SFMBT2: variants seen among roughly 807,000 people sequenced by gnomAD.
The protein encoded by SFMBT2 is Scm like with four mbt domains 2.
In SFMBT2, 38 loss-of-function variants were observed where a neutral mutation model predicts 110.1. The ratio of observed to expected loss-of-function variants is 0.35; its 90% CI spans 0.27 to 0.45. The LOEUF (loss-of-function observed/expected upper bound fraction) is 0.45. Among genes scored for constraint, SFMBT2 ranks in the 20% least tolerant of loss-of-function variants. The pLI is 1.00. For synonymous variants in SFMBT2, 425 were observed against 425.4 expected (o/e 1.00, Z 0.01); for missense variants, 1,011 against 1,094.9 (o/e 0.92, Z 1.08).
chr10:7,274,992 A>T (rs1344772888), intron 7 of SFMBT2, among the ~76,000 whole-genome samples: 1 of 152,128 alleles, frequency 6.6e-6, no homozygotes, highest in Non-Finnish European at 1.5e-5. Flanking sequence ...CTCTCTGAAC[A>T]ATGAGGACAG....
At chr10:7,309,530 C>G (rs1319098886) in intron 4 of SFMBT2, among the ~76,000 whole-genome samples, 1 of 152,180 alleles carries the variant, frequency 6.6e-6, no homozygotes, top group Non-Finnish European at 1.5e-5. Flanking sequence ...ATAGCTGGCA[C>G]ATGGAACGGG....
chr10:7,212,198 G>C (rs540005432), intron 11 of SFMBT2, among the ~76,000 whole-genome samples: 71 of 152,322 alleles, frequency 4.7e-4, no homozygotes, highest in African/African-American at 1.6e-3. Flanking sequence ...CAGTCATAGA[G>C]ACAAACCAGT....
rs1162232071 is a variant in SFMBT2 at position 7,176,154 on chromosome 10, T to C, written c.1820A>G (p.Lys607Arg). 1 of 1,614,066 alleles carries C rather than the reference T, an allele frequency of 6.2e-7. No homozygotes were observed. Among genetic ancestry groups the C allele is most frequent in the Non-Finnish European group, 8.5e-7 (1 of 1,180,032 alleles). ...EETLKAKYRG[K>R]TYRAVVKIVR... ...GATTTTGACCACAGCCCTGTATGTT[T>C]TGCCTCTGTATCTAGAAAATAGGTG... is the stretch of plus-strand genomic sequence containing the variant. Residue 607 changes from lysine to arginine, a missense_variant, in exon 17 of 21, where the codon AAA (lysine) becomes AGA (arginine). Physicochemically the swap from Lys to Arg is conservative, Grantham distance 26. Transcript: ENST00000397167.
At chr10:7,386,665 C>T (rs1845615527) in intron 1 of SFMBT2, among the ~76,000 whole-genome samples, 1 of 152,132 alleles carries the variant, frequency 6.6e-6, no homozygotes, top group Admixed American at 6.5e-5. Flanking sequence ...AATGAATGGA[C>T]TTCTCAGCAG....
intron 6 of SFMBT2, among the ~76,000 whole-genome samples, chr10:7,281,471 C>T (rs887963698): frequency 6.6e-6 from 1 of 152,218 alleles, no homozygotes; most frequent in Non-Finnish European, 1.5e-5. Flanking sequence ...ACGAGAAAAT[C>T]GGCCTAGTAT....
At chr10:7,231,418 G>A (rs1199815956) in intron 9 of SFMBT2, among the ~76,000 whole-genome samples, 2 of 152,204 alleles carry the variant, frequency 1.3e-5, no homozygotes, top group African/African-American at 4.8e-5. Context: ...TGGCATGTGG[G>A]TAATCTTTAT....
chr10:7,172,729 AGAGAAAGAAGGG>A lies in SFMBT2; in HGVS notation c.1985-80_1985-69del. On this transcript the variant is annotated intron_variant, in intron 17 of 20. Coordinates refer to ENST00000397167, the MANE Select transcript of SFMBT2 (RefSeq NM_001387889.1). This position sits in a 1 kb window ranked among gnomAD's most constrained non-coding sequence, Gnocchi z 4.6. Reference sequence around the variant, plus strand: ...ACACAGACATGAACAGAGAGAGGAGAGAGAAAGAAGGGAAACGATTCTTTCATCTGATAGTTC... The same window carrying A: ...ACACAGACATGAACAGAGAGAGGAGAAAACGATTCTTTCATCTGATAGTTC... 6.7e-7 allele frequency: 1 copy of A among 1,502,848 alleles called. No individual in the cohort carries two copies. The highest frequency in any genetic ancestry group is 9.0e-7 in the Non-Finnish European group (1 of 1,116,792). The allele number at this position is 1,502,848 out of a possible 1,614,324, so 93.1% of individuals were successfully genotyped here. A position where few individuals can be genotyped will look rare whatever the true frequency, so the allele number is the denominator to read the frequency against.
intron 16 of SFMBT2, among the ~76,000 whole-genome samples, chr10:7,187,768 G>A (rs926726588): frequency 6.6e-6 from 1 of 152,122 alleles, no homozygotes; most frequent in African/African-American, 2.4e-5. Flanking sequence ...TATGAATAGG[G>A]CAGGTGCCTT....
chr10:7,383,665 G>C (rs1195234845), intron 1 of SFMBT2, among the ~76,000 whole-genome samples: 1 of 152,166 alleles, frequency 6.6e-6, no homozygotes, highest in Non-Finnish European at 1.5e-5. Context: ...ACAAAGATAA[G>C]TTCTTGACTA....
intron 20 of SFMBT2, among the ~76,000 whole-genome samples, chr10:7,169,831 C>A (rs1426838235): frequency 6.6e-6 from 1 of 152,162 alleles, no homozygotes; most frequent in Admixed American, 6.5e-5. Context: ...ATCATATGAT[C>A]TTGTGTTTTA....
chr10:7,169,681 G>A (rs1422845087), intron 20 of SFMBT2, among the ~76,000 whole-genome samples: 1 of 152,118 alleles, frequency 6.6e-6, no homozygotes, highest in East Asian at 1.9e-4. Context: ...TAAGCACAGA[G>A]TACAGCAAGA....
intron 7 of SFMBT2, among the ~76,000 whole-genome samples, chr10:7,258,779 A>G (rs971339991): frequency 6.6e-6 from 1 of 152,230 alleles, no homozygotes; most frequent in Non-Finnish European, 1.5e-5. Flanking sequence ...TACTAGTTTC[A>G]TTGAAAAACA....
chr10:7,345,550 G>A (rs1020411531), intron 4 of SFMBT2, among the ~76,000 whole-genome samples: 4 of 152,080 alleles, frequency 2.6e-5, no homozygotes, highest in Non-Finnish European at 2.9e-5. Flanking sequence ...GTAAAGACGG[G>A]GTTTTGCCAT....
intron 15 of SFMBT2, among the ~76,000 whole-genome samples, chr10:7,194,141 C>T (rs1838694635): frequency 6.6e-6 from 1 of 152,206 alleles, no homozygotes; most frequent in Non-Finnish European, 1.5e-5. Flanking sequence ...CCAAGGCCTG[C>T]TTCGTTCTGA....
At chr10:7,346,925 G>T (rs1344403098) in intron 4 of SFMBT2, among the ~76,000 whole-genome samples, 3 of 152,150 alleles carry the variant, frequency 2.0e-5, no homozygotes, top group Admixed American at 1.3e-4. Context: ...AGGAGGTGGA[G>T]GTTACAGTAA....
Position 7,370,332 on chromosome 10 carries a change from T to G in SFMBT2, c.144A>C (p.Glu48Asp). Residue 48 changes from glutamate (E) to aspartate (D), a missense_variant, in exon 3 of 21, where the codon GAA (glutamate) becomes GAC (aspartate). Physicochemically the swap from Glu to Asp is conservative, Grantham distance 45. Around this residue, in one of 2 missense-constraint regions of SFMBT2, gnomAD observed 979 missense variants for 1,016.1 expected, o/e 0.96. Transcript: ENST00000397167. ...CACTTGCTCCTGTCTCTTCCAAATA[T>G]TCTCCCCAGTTAAAGCCAGTTTCCT... Reference protein sequence around the residue: ...SLEETGFNWGEYLEETGASAA... With the variant: ...SLEETGFNWGDYLEETGASAA... 1.2e-6 allele frequency: 2 copies of G among 1,614,158 alleles called. No individual in the cohort carries two copies. Among genetic ancestry groups the G allele is most frequent in the South Asian group, 2.2e-5 (2 of 91,082 alleles).
chr10:7,370,280 C>T lies in SFMBT2; in HGVS notation c.195+1G>A, dbSNP rs1373335289. ...GAGAAGACACAAGCTGCTTTACATA[C>T]GTGTTTGAATGATGTGTGGGGAGCA... On this transcript the variant is annotated splice_donor_variant, in intron 3 of 20. Coordinates refer to ENST00000397167, the MANE Select transcript of SFMBT2 (RefSeq NM_001387889.1). LOFTEE classifies it high-confidence loss of function. The T allele has an allele frequency of 5.6e-6, 9 of 1,612,934 alleles. No individual in the cohort carries two copies. Among genetic ancestry groups the T allele is most frequent in the East Asian group, 2.2e-5 (1 of 44,884 alleles).
intron 4 of SFMBT2, among the ~76,000 whole-genome samples, chr10:7,315,447 T>A (rs1842984808): frequency 6.6e-6 from 1 of 152,200 alleles, no homozygotes; most frequent in Admixed American, 6.5e-5. Context: ...TCTGAAATAT[T>A]GGCTCTTCCT....
chr10:7,301,950 G>A lies in SFMBT2; in HGVS notation c.437-15996C>T, dbSNP rs1278523835. Among the ~76,000 whole-genome samples the A allele has an allele frequency of 6.6e-6, 1 of 152,126 alleles. No individual in the cohort carries two copies. The highest frequency in any genetic ancestry group is 2.4e-5 in the African/African-American group (1 of 41,402). ...AGACTAGAACCTCCACTGACCCCAAGGGACAGGGGAGGTGTGGACTGGGGG... is the reference window on the plus strand; with the variant it reads ...AGACTAGAACCTCCACTGACCCCAAAGGACAGGGGAGGTGTGGACTGGGGG... On this transcript the variant is annotated intron_variant, in intron 4 of 20. Transcript: ENST00000397167. The surrounding 1 kb of genome is among the most constrained non-coding windows in gnomAD (Gnocchi z 4.2).
Sources: gnomAD v4.1 joint callset for allele counts (sites outside exome capture counted in the v4.1 genomes callset) on GRCh38, gnomAD v4.1.1 for gene constraint, gnomAD v4.1.1 regional missense constraint, Gnocchi (gnomAD v3.1) non-coding constraint, MANE v1.5 for transcripts, NCBI Gene and HGNC (gene_info 2026-07-23, HGNC 2026-07-21) for gene names.